Variants in VTI1A observed in about 807,000 individuals in gnomAD.
VTI1A encodes the protein vesicle transport through interaction with t-SNAREs homolog 1A.
Under a neutral mutation model 34.9 loss-of-function variants are expected in VTI1A, and 22 were observed. That is an observed-to-expected ratio of 0.63 (90% CI 0.45 to 0.90). The LOEUF (loss-of-function observed/expected upper bound fraction) is 0.90, where lower values mean the gene tolerates loss of function less well. VTI1A is among the 40% of genes least tolerant of loss of function. The pLI, the probability that VTI1A is intolerant of heterozygous loss-of-function variation, is 0.00. For missense variants in VTI1A, 268 were observed against 275.6 expected, an observed-to-expected ratio of 0.97 and a Z score of 0.20; for synonymous variants, 87 against 97.3, an observed-to-expected ratio of 0.89 and a Z score of 0.62.
At chr10:112,539,809 T>C (rs1199112273) in intron 5 of VTI1A, among the ~76,000 whole-genome samples, 1 of 152,188 alleles carries the variant, frequency 6.6e-6, no homozygotes, top group Non-Finnish European at 1.5e-5. Context: ...AAAACACATA[T>C]ACAAATATAA....
chr10:112,844,763 G>A, the VTI1A span, among the ~76,000 whole-genome samples: 3 of 152,192 alleles, frequency 2.0e-5, no homozygotes, highest in African/African-American at 7.2e-5. Flanking sequence ...ACATCCTAGA[G>A]TTGAGAGATA....
chr10:112,611,745 T>TTTTTTTTTTTTTTTTTTTTTTTTTTTTG (rs1845321541), intron 5 of VTI1A, among the ~76,000 whole-genome samples: 1 of 140,946 alleles, frequency 7.1e-6, no homozygotes, highest in Non-Finnish European at 1.5e-5. Context: ...TAATTTTTTT[T>TTTTTTTTTTTTTTTTTTTTTTTTTTTTG]TTTTTTTTTT....
intron 3 of VTI1A, among the ~76,000 whole-genome samples, chr10:112,495,288 A>T (rs1314632573): frequency 5.3e-5 from 8 of 151,128 alleles, no homozygotes; most frequent in Middle Eastern, 3.4e-3. Context: ...AAGTGAGAAG[A>T]AGTGTACAAT....
intron 7 of VTI1A, among the ~76,000 whole-genome samples, chr10:112,727,704 G>A (rs1437065850): frequency 6.6e-6 from 1 of 152,078 alleles, no homozygotes; most frequent in Admixed American, 6.6e-5. Flanking sequence ...CAAGTATAAT[G>A]ATAGTCACAG....
Position 112,644,731 on chromosome 10 carries a change from C to T in VTI1A, c.428-23487C>T, listed in dbSNP as rs564331860. ...ACATTTCTAACTGTTTTTTAAACTG[C>T]GAAATTACTGAGACATTGACATCAA... On this transcript the variant is annotated intron_variant, in intron 5 of 7. Coordinates refer to ENST00000393077, the MANE Select transcript of VTI1A (RefSeq NM_145206.4). 5.3e-5 allele frequency among the ~76,000 whole-genome samples: 8 copies of T among 152,114 alleles called. No individual in the cohort carries two copies. In the East Asian group the frequency reaches 1.4e-3, roughly 26 times the overall value.
intron 5 of VTI1A, among the ~76,000 whole-genome samples, chr10:112,570,186 A>C (rs1254109584): frequency 6.6e-6 from 1 of 152,182 alleles, no homozygotes; most frequent in Non-Finnish European, 1.5e-5. Flanking sequence ...TTTTGTGAAA[A>C]ATGGAGTCAG....
At chr10:112,591,765 A>T (rs1317011539) in intron 5 of VTI1A, among the ~76,000 whole-genome samples, 1 of 152,144 alleles carries the variant, frequency 6.6e-6, no homozygotes, top group African/African-American at 2.4e-5. Context: ...CCTTCCAAAT[A>T]TGTCCATGCC....
At chr10:112,488,949 C>G (rs1355870795) in intron 3 of VTI1A, among the ~76,000 whole-genome samples, 1 of 152,056 alleles carries the variant, frequency 6.6e-6, no homozygotes, top group African/African-American at 2.4e-5. Flanking sequence ...TTATTTTATT[C>G]TCGTGTTTTG....
chr10:112,650,444 G>A (rs553109176), intron 5 of VTI1A, among the ~76,000 whole-genome samples: 50 of 122,862 alleles, frequency 4.1e-4, no homozygotes, highest in African/African-American at 1.3e-3. Flanking sequence ...CCTGCCTGAG[G>A]CTGTTCTACT....
intron 4 of VTI1A, among the ~76,000 whole-genome samples, chr10:112,528,445 C>T (rs1056001323): frequency 3.3e-4 from 50 of 151,198 alleles, no homozygotes; most frequent in African/African-American, 1.1e-3. Context: ...CATGTGAACA[C>T]GTTCAGATTT....
chr10:112,530,134 A>T (rs1190881867), intron 4 of VTI1A, among the ~76,000 whole-genome samples: 1 of 152,136 alleles, frequency 6.6e-6, no homozygotes, highest in East Asian at 1.9e-4. Context: ...CTTTGTATAC[A>T]TTCATTTCTG....
chr10:112,464,693 T>C, intron 3 of VTI1A, 36 bp downstream of exon 3: 1 of 1,580,028 alleles, frequency 6.3e-7, no homozygotes, highest in Non-Finnish European at 8.6e-7. Context: ...TATTTACTTT[T>C]TTTTAAAAAT....
intron 7 of VTI1A, among the ~76,000 whole-genome samples, chr10:112,697,399 CTTTT>C (rs57723783): frequency 8.8e-6 from 1 of 114,042 alleles, no homozygotes; most frequent in Non-Finnish European, 1.7e-5. Context: ...CTTTTCTTTT[CTTTT>C]TTTTTTTTTT....
At chr10:112,810,118 G>C (rs1055010526) in intron 7 of VTI1A, among the ~76,000 whole-genome samples, 13 of 151,790 alleles carry the variant, frequency 8.6e-5, no homozygotes, top group Non-Finnish European at 1.5e-4. Context: ...AATGTTCACT[G>C]TCGGCCTGGC....
At chr10:112,758,288 T>C (rs1488266960) in intron 7 of VTI1A, among the ~76,000 whole-genome samples, 1 of 152,136 alleles carries the variant, frequency 6.6e-6, no homozygotes, top group African/African-American at 2.4e-5. Context: ...TTTCTTCTCA[T>C]CATCTCTAAG....
chr10:112,851,214 A>G, the VTI1A span, among the ~76,000 whole-genome samples: 6 of 152,216 alleles, frequency 3.9e-5, no homozygotes, highest in South Asian at 2.1e-4. Context: ...TGACTGAATC[A>G]TTTCAAGGTG....
At chr10:112,465,978 T>C (rs1274590849) in intron 3 of VTI1A, among the ~76,000 whole-genome samples, 2 of 152,232 alleles carry the variant, frequency 1.3e-5, no homozygotes, top group Non-Finnish European at 2.9e-5. Flanking sequence ...ACTGTTCTTA[T>C]AGGCTGGCAC....
At chr10:112,538,808 A>T (rs901155528) in intron 5 of VTI1A, among the ~76,000 whole-genome samples, 1 of 145,438 alleles carries the variant, frequency 6.9e-6, no homozygotes, top group Non-Finnish European at 1.5e-5. Flanking sequence ...AATCCTGTTT[A>T]AAAAAAAAAA....
chr10:112,834,974 C>G, the VTI1A span, among the ~76,000 whole-genome samples: 1 of 152,192 alleles, frequency 6.6e-6, no homozygotes, highest in South Asian at 2.1e-4. Flanking sequence ...ACTGTTCTGT[C>G]CCTTAGCTAG....
Sources: gnomAD v4.1 joint callset for allele counts (sites outside exome capture counted in the v4.1 genomes callset) on GRCh38, gnomAD v4.1.1 for gene constraint, MANE v1.5 for transcripts, NCBI Gene and HGNC (gene_info 2026-07-23, HGNC 2026-07-21) for gene names.